The following LRP6 variants were observed in gnomAD, a reference collection of about 807,000 sequenced individuals.
LRP6 encodes low-density lipoprotein receptor-related protein 6.
Under a neutral mutation model 184.1 loss-of-function variants are expected in LRP6, and 43 were observed. The ratio of observed to expected loss-of-function variants is 0.23; its 90% CI spans 0.18 to 0.30. The LOEUF (loss-of-function observed/expected upper bound fraction) is 0.30, where lower values mean the gene tolerates loss of function less well. LRP6 is among the 10% of genes least tolerant of loss of function. The probability of loss-of-function intolerance (pLI) is 1.00; values close to 1 mark genes in which losing one functional copy is unlikely to be tolerated. For missense variants in LRP6, 1,571 were observed against 2,005.3 expected (o/e 0.78, Z 4.14); for synonymous variants, 719 against 684.9 (o/e 1.05, Z -0.78).
intron 12 of LRP6, among the ~76,000 whole-genome samples, chr12:12,157,866 TTTAAG>T (rs1176138507): frequency 6.6e-6 from 1 of 152,188 alleles, no homozygotes; most frequent in African/African-American, 2.4e-5. Context: ...TTCATATATA[TTTAAG>T]TTATAAGCCA....
intron 1 of LRP6, among the ~76,000 whole-genome samples, chr12:12,260,145 G>A (rs1409932429): frequency 2.6e-5 from 4 of 152,248 alleles, no homozygotes; most frequent in South Asian, 4.1e-4. Flanking sequence ...TTGGGAGGCC[G>A]AGGCGGCTGG....
intron 2 of LRP6, among the ~76,000 whole-genome samples, chr12:12,236,105 TAGTCCCAGTC>T (rs968377365): frequency 5.3e-5 from 8 of 151,984 alleles, no homozygotes; most frequent in African/African-American, 1.9e-4. Context: ...CGGGTGCCTG[TAGTCCCAGTC>T]ACTCGGGAGG....
chr12:12,174,358 C>T (rs1166076283), intron 7 of LRP6, among the ~76,000 whole-genome samples: 2 of 152,178 alleles, frequency 1.3e-5, no homozygotes, highest in African/African-American at 4.8e-5. Flanking sequence ...GTGATCAGCA[C>T]ACCTCAGACT....
At chr12:12,121,717 A>G (rs748839371) in intron 22 of LRP6, among the ~76,000 whole-genome samples, 5 of 152,244 alleles carry the variant, frequency 3.3e-5, no homozygotes, top group Non-Finnish European at 7.3e-5. Context: ...ACTGTATCAC[A>G]GAATAAAAAA....
At chr12:12,230,615 T>A (rs917246920) in intron 2 of LRP6, among the ~76,000 whole-genome samples, 1 of 152,154 alleles carries the variant, frequency 6.6e-6, no homozygotes. Flanking sequence ...ATATACATAT[T>A]AGCAAGTATG....
chr12:12,213,916 A>G (rs1002296189), intron 2 of LRP6, among the ~76,000 whole-genome samples: 2 of 152,310 alleles, frequency 1.3e-5, no homozygotes, highest in South Asian at 4.1e-4. Flanking sequence ...CTGCAAAGTG[A>G]ATACTTCACT....
intron 1 of LRP6, among the ~76,000 whole-genome samples, chr12:12,252,443 A>G (rs1312672612): frequency 6.6e-6 from 1 of 152,254 alleles, no homozygotes; most frequent in African/African-American, 2.4e-5. Flanking sequence ...TCAAAGCCAG[A>G]GAGGCTTACC....
At chr12:12,142,498 G>A (rs1451612734) in intron 15 of LRP6, among the ~76,000 whole-genome samples, 11 of 151,710 alleles carry the variant, frequency 7.3e-5, no homozygotes, top group East Asian at 1.9e-4. Flanking sequence ...CTACAAATAC[G>A]AAATAGAAAA....
intron 2 of LRP6, among the ~76,000 whole-genome samples, chr12:12,208,003 A>G (rs1282137398): frequency 1.3e-5 from 2 of 152,228 alleles, no homozygotes; most frequent in Non-Finnish European, 2.9e-5. Context: ...TCATTAAACA[A>G]AAACACACAA....
chr12:12,131,612 T>C (rs546309216), intron 18 of LRP6, among the ~76,000 whole-genome samples: 4 of 152,348 alleles, frequency 2.6e-5, no homozygotes, highest in Admixed American at 2.6e-4. Context: ...GTTTCATTTC[T>C]CAATTTTCAA....
intron 15 of LRP6, among the ~76,000 whole-genome samples, chr12:12,142,056 C>G (rs1393529098): frequency 1.3e-5 from 2 of 152,054 alleles, no homozygotes; most frequent in African/African-American, 4.8e-5. Context: ...AGAGAAAAAT[C>G]AAGAAATAGC....
At chr12:12,160,692 C>CT (rs1050100173) in intron 10 of LRP6, among the ~76,000 whole-genome samples, 3 of 152,272 alleles carry the variant, frequency 2.0e-5, no homozygotes, top group South Asian at 2.1e-4. Flanking sequence ...ACAGTATAGG[C>CT]TTTTTATAGA....
chr12:12,154,596 G>T (rs962932885), intron 12 of LRP6, among the ~76,000 whole-genome samples: 4 of 152,146 alleles, frequency 2.6e-5, no homozygotes, highest in Non-Finnish European at 5.9e-5. Flanking sequence ...CTAGCGCAGT[G>T]GCATGTGCTC....
intron 1 of LRP6, among the ~76,000 whole-genome samples, chr12:12,247,934 A>C (rs1225095315): frequency 1.3e-5 from 2 of 152,156 alleles, no homozygotes; most frequent in Non-Finnish European, 2.9e-5. Flanking sequence ...TTTCTCTACC[A>C]GCCTTTCTAA....
At position 12,116,771 on chromosome 12, in the gene LRP6, C is replaced by A. The variant is rs898503469; in HGVS notation, c.*4355G>T. Reference sequence around the variant, plus strand: ...AGATTTTTTTCAGCAATAAACTCAACAATTTGAGAATGCTTTATGAAAAAG... The same window carrying A: ...AGATTTTTTTCAGCAATAAACTCAAAAATTTGAGAATGCTTTATGAAAAAG... On this transcript the variant is annotated 3_prime_UTR_variant, in exon 23 of 23. Transcript: ENST00000261349. The A allele has an allele frequency of 2.6e-5, 4 of 151,976 alleles. No homozygotes were observed. The highest frequency in any genetic ancestry group is 9.7e-5 in the African/African-American group (4 of 41,358). 9.4% of individuals were successfully genotyped at this position (151,976 alleles called of 1,614,324 possible).
At chr12:12,200,698 C>T (rs1863891392) in intron 3 of LRP6, among the ~76,000 whole-genome samples, 1 of 152,178 alleles carries the variant, frequency 6.6e-6, no homozygotes, top group African/African-American at 2.4e-5. Flanking sequence ...ATTCCAACCA[C>T]TGTAATATAT....
In LRP6 at chr12:12,155,175, G is replaced by A. The variant is rs144470735; in HGVS notation, c.2791+3654C>T. 4.6e-3 allele frequency: 2,431 copies of A among 524,514 alleles called. 55 individuals are homozygous for A. The highest frequency in any genetic ancestry group is 0.04 in the African/African-American group (2,096 of 52,442). 32.5% of individuals were successfully genotyped at this position (524,514 alleles called of 1,614,324 possible). A position where few individuals can be genotyped will look rare whatever the true frequency, so the allele number is the denominator to read the frequency against. ...CACGCCACTTTACTCCAGCCTGGGT[G>A]ACAGTGTGAGACTCTGTCTCAAACA... is the stretch of plus-strand genomic sequence containing the variant. On this transcript the variant is annotated intron_variant, in intron 12 of 22. Transcript: ENST00000261349.
At chr12:12,125,681 C>G (rs1949663157) in intron 20 of LRP6, among the ~76,000 whole-genome samples, 1 of 152,088 alleles carries the variant, frequency 6.6e-6, no homozygotes, top group Non-Finnish European at 1.5e-5. Context: ...TTCTCCCTCC[C>G]CTGGTAGAAG....
intron 7 of LRP6, among the ~76,000 whole-genome samples, chr12:12,168,399 A>T (rs995730508): frequency 6.6e-6 from 1 of 152,232 alleles, no homozygotes; most frequent in African/African-American, 2.4e-5. Context: ...AAAAAAAGAA[A>T]TGAGTTAAGA....
Sources: gnomAD v4.1 joint callset for allele counts (sites outside exome capture counted in the v4.1 genomes callset) on GRCh38, gnomAD v4.1.1 for gene constraint, MANE v1.5 for transcripts, NCBI Gene and HGNC (gene_info 2026-07-23, HGNC 2026-07-21) for gene names.